Variants in RAPGEF4 observed in about 807,000 individuals in gnomAD.
RAPGEF4 encodes RAP guanine-nucleotide-exchange factor (GEF) 4.
In RAPGEF4, 66 loss-of-function variants were observed where a neutral mutation model predicts 147.9. The ratio of observed to expected loss-of-function variants is 0.45; its 90% CI spans 0.37 to 0.55. The LOEUF (loss-of-function observed/expected upper bound fraction) is 0.55, where lower values mean the gene tolerates loss of function less well. RAPGEF4 is among the 20% of genes least tolerant of loss of function. The pLI is 0.00. For synonymous variants in RAPGEF4, 419 were observed against 442.7 expected, an observed-to-expected ratio of 0.95 and a Z score of 0.67; for missense variants, 1,071 against 1,257.3, an observed-to-expected ratio of 0.85 and a Z score of 2.24.
At chr2:172,795,911 C>G (rs1686315894) in intron 2 of RAPGEF4, among the ~76,000 whole-genome samples, 1 of 152,222 alleles carries the variant, frequency 6.6e-6, no homozygotes, top group African/African-American at 2.4e-5. Context: ...GTTCTGACAG[C>G]TACAGCTGTT....
At chr2:172,946,846 C>T (rs757211621) in intron 6 of RAPGEF4, among the ~76,000 whole-genome samples, 1 of 152,180 alleles carries the variant, frequency 6.6e-6, no homozygotes, top group African/African-American at 2.4e-5. Flanking sequence ...TTGAGAAGCC[C>T]CACCTGCTGA....
At chr2:172,936,243 TGTA>T (rs1024964465) in intron 6 of RAPGEF4, among the ~76,000 whole-genome samples, 4 of 152,138 alleles carry the variant, frequency 2.6e-5, no homozygotes, top group African/African-American at 9.7e-5. Context: ...CGTGTGTGCC[TGTA>T]GTCCCAGCTA....
At chr2:172,851,939 T>C (rs1487917023) in intron 4 of RAPGEF4, among the ~76,000 whole-genome samples, 1 of 152,220 alleles carries the variant, frequency 6.6e-6, no homozygotes. Flanking sequence ...CTTGTACATG[T>C]ACCCCTGAAA....
intron 20 of RAPGEF4, 24 bp from the exon 21 acceptor site, chr2:173,017,402 C>T (rs376623566): frequency 6.2e-7 from 1 of 1,606,188 alleles, no homozygotes; most frequent in South Asian, 1.1e-5. Context: ...TCCCTTATGG[C>T]ACTTGCTGTG....
In RAPGEF4 at chr2:173,020,603, T is replaced by G; in HGVS notation, c.2156-15T>G. The G allele has an allele frequency of 1.2e-6, 2 of 1,603,916 alleles. No homozygotes were observed. Among genetic ancestry groups the G allele is most frequent in the Admixed American group, 3.3e-5 (2 of 59,914 alleles). ...ATGTATTTAATAGGCAATCTCATGC[T>G]TTTTATGTTCACAGAAAAGGTGGTG... On this transcript the variant is annotated splice_polypyrimidine_tract_variant and intron_variant, in intron 22 of 30. Coordinates refer to ENST00000397081, the MANE Select transcript of RAPGEF4 (RefSeq NM_007023.4).
chr2:173,001,412 T>G, intron 17 of RAPGEF4, 68 bp downstream of exon 17: 3 of 1,588,666 alleles, frequency 1.9e-6, no homozygotes, highest in South Asian at 2.2e-5. Flanking sequence ...AGGGCCATTC[T>G]TATCTCATCT....
rs187916574 is a variant in RAPGEF4, at chr2:172,854,233, T to A, written c.444+39808T>A. Among the ~76,000 whole-genome samples, 113 of 152,172 alleles carry A rather than the reference T, an allele frequency of 7.4e-4. 2 individuals carry two copies. Among genetic ancestry groups the A allele is most frequent in the African/African-American group, 2.5e-3 (103 of 41,556 alleles). The stretch of plus-strand genomic sequence containing the variant: ...TTGTCTTTTTCTTCAATAATTTTTT[T>A]AATTTTTTGCTTTTTAACATTTTGT... On this transcript the variant is annotated intron_variant, in intron 4 of 30. Coordinates refer to ENST00000397081, the MANE Select transcript of RAPGEF4 (RefSeq NM_007023.4).
chr2:172,999,095 T>C (rs7603772), intron 16 of RAPGEF4, among the ~76,000 whole-genome samples: 46,460 of 152,070 alleles, frequency 0.31, 7,239 homozygotes, highest in Non-Finnish European at 0.34. Flanking sequence ...CCTGATTATT[T>C]CTTCTTCATC....
intron 1 of RAPGEF4, among the ~76,000 whole-genome samples, chr2:172,769,938 G>A (rs770614725): frequency 3.9e-5 from 6 of 152,156 alleles, no homozygotes; most frequent in Non-Finnish European, 8.8e-5. Flanking sequence ...ATACTGTTTA[G>A]GGATGGAGTA....
chr2:172,971,647 A>G (rs1690495153), intron 10 of RAPGEF4, among the ~76,000 whole-genome samples: 1 of 151,728 alleles, frequency 6.6e-6, no homozygotes, highest in Non-Finnish European at 1.5e-5. Flanking sequence ...TCTTCTTTTG[A>G]CTCTTTCTGC....
intron 13 of RAPGEF4, 28 bp from the exon 14 acceptor site, chr2:172,988,665 C>A: frequency 6.3e-7 from 1 of 1,597,776 alleles, no homozygotes; most frequent in Non-Finnish European, 8.6e-7. Context: ...CAGGGATCTT[C>A]TTCATCTGTG....
intron 4 of RAPGEF4, among the ~76,000 whole-genome samples, chr2:172,832,687 A>C (rs13404300): frequency 0.19 from 29,587 of 152,276 alleles, 3,538 homozygotes; most frequent in Middle Eastern, 0.31. Flanking sequence ...GAAACTTTGC[A>C]CAAAACTGAT....
intron 1 of RAPGEF4, among the ~76,000 whole-genome samples, chr2:172,757,405 C>G (rs1205707500): frequency 1.3e-5 from 2 of 152,164 alleles, no homozygotes; most frequent in African/African-American, 2.4e-5. Context: ...TGTGGATTAT[C>G]TGTTTTAATA....
intron 1 of RAPGEF4, among the ~76,000 whole-genome samples, chr2:172,738,925 A>C (rs1169686956): frequency 6.6e-6 from 1 of 152,244 alleles, no homozygotes; most frequent in East Asian, 1.9e-4. Flanking sequence ...AACACAAGGA[A>C]AATAGAGCCT....
chr2:172,889,871 A>G, intron 4 of RAPGEF4: 1 of 954,926 alleles, frequency 1.0e-6, no homozygotes, highest in Non-Finnish European at 1.2e-6. Flanking sequence ...AACTTACTCC[A>G]GTATGCAAGA....
chr2:172,754,135 T>C (rs944623720), intron 1 of RAPGEF4, among the ~76,000 whole-genome samples: 1 of 152,230 alleles, frequency 6.6e-6, no homozygotes, highest in African/African-American at 2.4e-5. Context: ...TTAACATTTT[T>C]AGCATATTTT....
intron 1 of RAPGEF4, among the ~76,000 whole-genome samples, chr2:172,766,385 CTACTAAAAA>C (rs1696844447): frequency 1.3e-5 from 2 of 152,116 alleles, no homozygotes; most frequent in Non-Finnish European, 2.9e-5. Context: ...AACCCCGTCT[CTACTAAAAA>C]TACTAAAATT....
chr2:172,762,666 A>G (rs1696461177), intron 1 of RAPGEF4, among the ~76,000 whole-genome samples: 1 of 152,196 alleles, frequency 6.6e-6, no homozygotes, highest in Non-Finnish European at 1.5e-5. Context: ...AACAACTTTT[A>G]TCTCCCTGGC....
intron 4 of RAPGEF4, chr2:172,894,006 T>C (rs545758235): frequency 1.3e-5 from 2 of 152,718 alleles, no homozygotes; most frequent in African/African-American, 4.8e-5. Flanking sequence ...AAAGCCCCTA[T>C]TTTAATTCAT....
Sources: allele counts gnomAD v4.1 joint callset (sites outside exome capture counted in the v4.1 genomes callset), GRCh38; gene constraint gnomAD v4.1.1; transcripts MANE v1.5; gene names NCBI Gene and HGNC (gene_info 2026-07-23, HGNC 2026-07-21).